PLA2R1: variants seen among roughly 807,000 people sequenced by gnomAD.
PLA2R1 encodes secretory phospholipase A2 receptor.
PLA2R1 carries 158 observed loss-of-function variants against 195.9 expected under a neutral mutation model. That is an observed-to-expected ratio of 0.81 (90% CI 0.71 to 0.92). The LOEUF (loss-of-function observed/expected upper bound fraction) is 0.92, where lower values mean the gene tolerates loss of function less well. Ranked by LOEUF, PLA2R1 falls within the 40% of genes least tolerant of loss-of-function variation. PLA2R1 has a pLI of 0.00. For synonymous variants in PLA2R1, 586 were observed against 598.2 expected (o/e 0.98, Z 0.30); for missense variants, 1,626 against 1,764.6 (o/e 0.92, Z 1.41).
At chr2:160,058,895 A>C (rs1323770836) in intron 1 of PLA2R1, among the ~76,000 whole-genome samples, 1 of 152,208 alleles carries the variant, frequency 6.6e-6, no homozygotes, top group Non-Finnish European at 1.5e-5. Flanking sequence ...TTTATTGTGC[A>C]CTTTACTTCT....
In PLA2R1 at chr2:159,984,173, A is replaced by G. The variant is rs1025708342; in HGVS notation, c.2038-100T>C. On this transcript the variant is annotated intron_variant, in intron 12 of 29. Coordinates refer to ENST00000283243, the MANE Select transcript of PLA2R1 (RefSeq NM_007366.5). ...CAGTAATATTAACATAATCATCATT[A>G]TTATTTATAAAGAGCTTGATCTAGT... The G allele has an allele frequency of 1.0e-5, 6 of 579,222 alleles. No individual in the cohort carries two copies. The South Asian group carries it at 1.5e-4, about 14-fold the overall frequency. The allele number at this position is 579,222 out of a possible 1,614,324, so 35.9% of individuals were successfully genotyped here. A position where few individuals can be genotyped will look rare whatever the true frequency, so the allele number is the denominator to read the frequency against.
chr2:160,059,485 G>C (rs1191403766), intron 1 of PLA2R1, among the ~76,000 whole-genome samples: 1 of 152,212 alleles, frequency 6.6e-6, no homozygotes, highest in African/African-American at 2.4e-5. Flanking sequence ...CCATTTTACA[G>C]ATGAGGAAAC....
At chr2:159,958,903 T>A (rs1400554529) in intron 20 of PLA2R1, among the ~76,000 whole-genome samples, 2 of 152,222 alleles carry the variant, frequency 1.3e-5, no homozygotes, top group African/African-American at 4.8e-5. Context: ...TAATTCTTTT[T>A]AAAACTCAGT....
intron 16 of PLA2R1, 78 bp from the exon 17 acceptor site, chr2:159,976,303 C>G: frequency 1.1e-6 from 1 of 913,614 alleles, no homozygotes; most frequent in South Asian, 1.7e-5. Flanking sequence ...GAGATTTGGT[C>G]ACTCAACATT....
At chr2:160,026,859 G>A (rs773817006) in intron 6 of PLA2R1, among the ~76,000 whole-genome samples, 2 of 152,180 alleles carry the variant, frequency 1.3e-5, no homozygotes, top group African/African-American at 4.8e-5. Flanking sequence ...TTTAGGCTGC[G>A]CGTGGTGGCT....
intron 23 of PLA2R1, among the ~76,000 whole-genome samples, chr2:159,952,238 A>G (rs955343040): frequency 2.0e-5 from 3 of 152,200 alleles, no homozygotes; most frequent in Admixed American, 2.0e-4. Context: ...GTTGTCAAGC[A>G]TTGGTGCTTG....
intron 12 of PLA2R1, 57 bp from the exon 13 acceptor site, chr2:159,984,130 C>T: frequency 1.2e-6 from 1 of 837,700 alleles, no homozygotes; most frequent in East Asian, 2.5e-5. Flanking sequence ...GGTTGTTAAA[C>T]TCTGTTCAAG....
chr2:160,009,934 C>G (rs1021319994), intron 10 of PLA2R1, among the ~76,000 whole-genome samples: 1 of 151,962 alleles, frequency 6.6e-6, no homozygotes, highest in Admixed American at 6.6e-5. Context: ...ATGGCAAGAA[C>G]CTGTCTCTGT....
intron 13 of PLA2R1, among the ~76,000 whole-genome samples, chr2:159,983,686 G>C (rs1690127712): frequency 6.6e-6 from 1 of 152,032 alleles, no homozygotes; most frequent in Admixed American, 6.6e-5. Context: ...CTACAGTTCT[G>C]ACTTGAGGCA....
chr2:159,984,763 G>C (rs144319379), intron 12 of PLA2R1, among the ~76,000 whole-genome samples: 188 of 152,260 alleles, frequency 1.2e-3, no homozygotes, highest in African/African-American at 4.3e-3. Flanking sequence ...ATTGGGGAAA[G>C]GGACTGAAGA....
Position 159,945,072 on chromosome 2 carries a change from T to C in PLA2R1, c.3978A>G (p.Ile1326Met). 1 of 1,608,916 alleles carries C rather than the reference T, an allele frequency of 6.2e-7. No homozygotes were observed. The highest frequency in any genetic ancestry group is 8.5e-7 in the Non-Finnish European group (1 of 1,176,754). The change falls in exon 28 of 30, where the codon ATA becomes ATG. Residue 1326 changes from isoleucine to methionine, a missense_variant. By Grantham distance (10) the Ile-to-Met change is conservative. Transcript: ENST00000283243. ...CTGTGGGAGTTCCATCAAACCACTT[T>C]ATGGTTTCATCTGTGAGAAAATTGC... ...NAQFDGNNET[I>M]KWFDGTPTDQ... is the part of the protein sequence containing the mutation.
chr2:159,951,963 A>T (rs945205812), intron 23 of PLA2R1, among the ~76,000 whole-genome samples: 17 of 152,336 alleles, frequency 1.1e-4, no homozygotes, highest in Admixed American at 2.0e-4. Context: ...TATTAATAGC[A>T]GAAAGGCACA....
Position 159,941,655 on chromosome 2 carries a change from A to C in PLA2R1, c.*123T>G. 3.3e-6 allele frequency: 2 copies of C among 607,410 alleles called. No homozygotes were observed. The highest frequency in any genetic ancestry group is 5.9e-6 in the Non-Finnish European group (2 of 341,028). 37.6% of individuals were successfully genotyped at this position (607,410 alleles called of 1,614,324 possible). A position where few individuals can be genotyped will look rare whatever the true frequency, so the allele number is the denominator to read the frequency against. On this transcript the variant is annotated 3_prime_UTR_variant, in exon 30 of 30. Transcript: ENST00000283243. ...CAAAACCAGTAATCACTTCAAGAAT[A>C]ATTAAAATAGTGACCCAATTCACAT...
chr2:160,062,559 C>A lies in PLA2R1; in HGVS notation c.-156G>T. 1.6e-6 allele frequency: 2 copies of A among 1,290,012 alleles called. No individual in the cohort carries two copies. The highest frequency in any genetic ancestry group is 3.7e-5 in the Admixed American group (1 of 26,924). The allele number at this position is 1,290,012 out of a possible 1,614,324, so 79.9% of individuals were successfully genotyped here. The stretch of plus-strand genomic sequence containing the variant: ...CTCCGGGGGCCTTGCCAGCCCAGAG[C>A]CCTGGAGACCCACTCCGCCACCGCT... On this transcript the variant is annotated 5_prime_UTR_variant, in exon 1 of 30. Coordinates refer to ENST00000283243, the MANE Select transcript of PLA2R1 (RefSeq NM_007366.5).
At chr2:159,950,876 A>G (rs1687693760) in intron 24 of PLA2R1, among the ~76,000 whole-genome samples, 2 of 152,234 alleles carry the variant, frequency 1.3e-5, no homozygotes, top group South Asian at 4.1e-4. Context: ...TATTCTCTAA[A>G]CCACATCCCT....
chr2:159,969,276 C>T lies in PLA2R1; in HGVS notation c.2744G>A (p.Gly915Asp). 6.3e-7 allele frequency: 1 copy of T among 1,597,346 alleles called. No individual in the cohort carries two copies. The highest frequency in any genetic ancestry group is 8.6e-7 in the Non-Finnish European group (1 of 1,165,490). Residue 915 changes from glycine to aspartate, a missense_variant, in exon 19 of 30, where the codon GGC becomes GAC. Coordinates refer to ENST00000283243, the MANE Select transcript of PLA2R1 (RefSeq NM_007366.5). ...RTVNNQSQRC[G>D]FISSITGLWG... The stretch of plus-strand genomic sequence containing the variant: ...ATAACCTGTTATAGAAGAAATAAAG[C>T]CACATCTCTGGCTCTGATTATTCAC...
At position 160,034,254 on chromosome 2, in the gene PLA2R1, G is replaced by A. The variant is rs558954421; in HGVS notation, c.668-1122C>T. Reference sequence around the variant, plus strand: ...GGAAAGTTTATTTTCATGTCTGGTTGCAACACACATTCCAGAGGTTTTAAA... The same window carrying A: ...GGAAAGTTTATTTTCATGTCTGGTTACAACACACATTCCAGAGGTTTTAAA... On this transcript the variant is annotated intron_variant, in intron 3 of 29. Coordinates refer to ENST00000283243, the MANE Select transcript of PLA2R1 (RefSeq NM_007366.5). Among the ~76,000 whole-genome samples the A allele has an allele frequency of 5.3e-5, 8 of 152,108 alleles. No individual in the cohort carries two copies. In the East Asian group the frequency reaches 1.3e-3, roughly 26 times the overall value.
chr2:160,014,152 G>A (rs1035295537), intron 9 of PLA2R1, among the ~76,000 whole-genome samples: 1 of 151,962 alleles, frequency 6.6e-6, no homozygotes, highest in East Asian at 1.9e-4. Context: ...ACCCAATTCT[G>A]GAACAGTCCA....
At chr2:160,058,978 G>A (rs564541182) in intron 1 of PLA2R1, among the ~76,000 whole-genome samples, 47 of 152,260 alleles carry the variant, frequency 3.1e-4, no homozygotes, top group African/African-American at 1.1e-3. Flanking sequence ...TGGGAGCCCT[G>A]AGTCTGTTTT....
Sources: allele counts gnomAD v4.1 joint callset (sites outside exome capture counted in the v4.1 genomes callset), GRCh38; gene constraint gnomAD v4.1.1; transcripts MANE v1.5; gene names NCBI Gene and HGNC (gene_info 2026-07-23, HGNC 2026-07-21).